Variants in ECPAS observed in about 807,000 individuals in gnomAD.
ECPAS encodes Ecm29 proteasome adaptor and scaffold.
Under a neutral mutation model 255.1 loss-of-function variants are expected in ECPAS, and 70 were observed. That is an observed-to-expected ratio of 0.27 (90% confidence interval 0.23 to 0.33). ECPAS has a LOEUF of 0.33. Ranked by LOEUF, ECPAS falls within the 10% of genes least tolerant of loss-of-function variation. The pLI is 1.00. For missense variants in ECPAS, 1,817 were observed against 2,206.4 expected (o/e 0.82, Z 3.54); for synonymous variants, 784 against 775.0 (o/e 1.01, Z -0.19).
At chr9:111,428,189 CA>C in intron 9 of ECPAS, 28 bp from the exon 10 acceptor site, 1 of 1,587,194 alleles carries the variant, frequency 6.3e-7, no homozygotes, top group Non-Finnish European at 8.6e-7. Flanking sequence ...GATTATAACT[CA>C]GCAATTCAAA....
At chr9:111,425,013 T>C (rs1451337953) in intron 12 of ECPAS, among the ~76,000 whole-genome samples, 2 of 151,776 alleles carry the variant, frequency 1.3e-5, no homozygotes, top group Non-Finnish European at 2.9e-5. Flanking sequence ...GGCCAACCCA[T>C]CTCTACTAAA....
intron 7 of ECPAS, among the ~76,000 whole-genome samples, chr9:111,435,222 A>G (rs532386656): frequency 2.0e-5 from 3 of 152,230 alleles, no homozygotes; most frequent in African/African-American, 7.2e-5. Context: ...TTTCTCTACT[A>G]TTCTTAACTA....
At chr9:111,371,501 G>T in intron 43 of ECPAS, 120 bp downstream of exon 43, 1 of 959,356 alleles carries the variant, frequency 1.0e-6, no homozygotes. Context: ...CCACTGTCTA[G>T]GAAATCTAGT....
intron 30 of ECPAS, 119 bp from the exon 31 acceptor site, chr9:111,389,842 C>G: frequency 8.2e-7 from 1 of 1,216,646 alleles, no homozygotes; most frequent in African/African-American, 1.5e-5. Flanking sequence ...TCTTTCCAAT[C>G]AACAGCATTT....
At chr9:111,425,683 G>T in intron 11 of ECPAS, 60 bp downstream of exon 11, 1 of 1,084,934 alleles carries the variant, frequency 9.2e-7, no homozygotes, top group East Asian at 2.4e-5. Flanking sequence ...CGATACACTT[G>T]AAGCACTCAA....
intron 1 of ECPAS, among the ~76,000 whole-genome samples, chr9:111,480,039 CAA>C (rs1256773678): frequency 6.7e-6 from 1 of 149,282 alleles, no homozygotes; most frequent in Non-Finnish European, 1.5e-5. Flanking sequence ...GGACAAATGA[CAA>C]AGTTTGCTAT....
chr9:111,415,671 C>G (rs1374489204), intron 18 of ECPAS, among the ~76,000 whole-genome samples: 2 of 151,302 alleles, frequency 1.3e-5, no homozygotes, highest in Admixed American at 6.6e-5. Flanking sequence ...TCACTGTACT[C>G]CAGCACGGGC....
At chr9:111,440,059 C>T (rs2098243713) in intron 6 of ECPAS, among the ~76,000 whole-genome samples, 2 of 151,368 alleles carry the variant, frequency 1.3e-5, no homozygotes, top group Non-Finnish European at 2.9e-5. Flanking sequence ...GAGAGAGTCT[C>T]GCTCTGTTAC....
chr9:111,388,900 A>T (rs145508619), intron 31 of ECPAS, among the ~76,000 whole-genome samples: 84 of 152,318 alleles, frequency 5.5e-4, no homozygotes, highest in African/African-American at 1.8e-3. Flanking sequence ...TGTTCTGGGC[A>T]TGTTGGGTTT....
intron 28 of ECPAS, 111 bp downstream of exon 28, chr9:111,392,657 G>A (rs943542799): frequency 7.5e-6 from 5 of 667,678 alleles, no homozygotes; most frequent in Non-Finnish European, 1.3e-5. Flanking sequence ...CTTAGAAAAG[G>A]CTTCATAAAC....
chr9:111,413,362 A>G (rs1471226228), intron 20 of ECPAS, among the ~76,000 whole-genome samples: 4 of 152,210 alleles, frequency 2.6e-5, no homozygotes, highest in African/African-American at 9.6e-5. Context: ...ATAGTTCTCT[A>G]CTATTAAGTG....
chr9:111,396,852 A>G (rs1311611264), intron 25 of ECPAS, among the ~76,000 whole-genome samples, 178 bp downstream of exon 25: 1 of 152,184 alleles, frequency 6.6e-6, no homozygotes, highest in African/African-American at 2.4e-5. Context: ...CACTGTGCCC[A>G]GCCTCATGCT....
chr9:111,404,024 A>G (rs2098180212), intron 24 of ECPAS, among the ~76,000 whole-genome samples: 1 of 149,898 alleles, frequency 6.7e-6, no homozygotes, highest in African/African-American at 2.5e-5. Context: ...GGATCTATGA[A>G]AAAATTAAGA....
intron 23 of ECPAS, among the ~76,000 whole-genome samples, chr9:111,408,885 C>T (rs2098189393): frequency 1.3e-5 from 2 of 152,172 alleles, no homozygotes; most frequent in Admixed American, 6.5e-5. Context: ...TCCACAGCTG[C>T]AAAAGAAGAA....
rs1399439935 is a variant in ECPAS at position 111,484,127 on chromosome 9, C to A, written c.-94G>T. The A allele has an allele frequency of 1.9e-5, 27 of 1,454,952 alleles. No individual in the cohort carries two copies. Among genetic ancestry groups the A allele is most frequent in the Non-Finnish European group, 2.4e-5 (27 of 1,106,122 alleles). The allele number at this position is 1,454,952 out of a possible 1,614,324, so 90.1% of individuals were successfully genotyped here. ...GGCGGGCCTCTGACCTGAGTCGGAG[C>A]CGGTCTCCATGCCGCGGACGCTGCG... On this transcript the variant is annotated 5_prime_UTR_variant, in exon 1 of 50. Transcript: ENST00000684092.
At chr9:111,416,714 T>C (rs149963932) in intron 17 of ECPAS, among the ~76,000 whole-genome samples, 47 of 152,308 alleles carry the variant, frequency 3.1e-4, no homozygotes, top group African/African-American at 1.1e-3. Flanking sequence ...TGTGCTGCTA[T>C]GTGGAAAACA....
At position 111,414,475 on chromosome 9, in the gene ECPAS, G is replaced by A. The variant is rs372445811; in HGVS notation, c.1941C>T (p.Val647=). 3 of 1,613,996 alleles carry A rather than the reference G, an allele frequency of 1.9e-6. No homozygotes were observed. The highest frequency in any genetic ancestry group is 4.5e-5 in the East Asian group (2 of 44,878). The change falls in exon 19 of 50, where the codon GTC becomes GTT. Residue 647 remains valine, a synonymous_variant. Transcript: ENST00000684092. The part of the protein sequence containing the change: ...SSNKSGETNP[V]QIYIGLLQQL... ...GCTGAAGCAGGCCAATGTAGATCTG[G>A]ACAGGGTTAGTCTCCCCACTCTTGT...
intron 5 of ECPAS, among the ~76,000 whole-genome samples, chr9:111,441,385 A>T (rs1167183144): frequency 6.6e-6 from 1 of 151,374 alleles, no homozygotes; most frequent in Non-Finnish European, 1.5e-5. Context: ...GGCATCTGTA[A>T]TCTCAGCTAC....
rs528000941 is a variant in ECPAS, at chr9:111,451,596, A to C, written c.23-41T>G. ...AAAAAAAGAGAGAACTTAGCAAGCCAAACACAACCAAGACCAATTATTTTT... is the reference window on the plus strand; with the variant it reads ...AAAAAAAGAGAGAACTTAGCAAGCCCAACACAACCAAGACCAATTATTTTT... On this transcript the variant is annotated intron_variant, in intron 2 of 49. Coordinates refer to ENST00000684092, the MANE Select transcript of ECPAS (RefSeq NM_001364929.1). 3.3e-6 allele frequency: 5 copies of C among 1,503,002 alleles called. 1 individual carries two copies. In the African/African-American group the frequency reaches 7.1e-5, roughly 21 times the overall value. 93.1% of individuals were successfully genotyped at this position (1,503,002 alleles called of 1,614,324 possible). A position where few individuals can be genotyped will look rare whatever the true frequency, so the allele number is the denominator to read the frequency against.
Sources: allele counts gnomAD v4.1 joint callset (sites outside exome capture counted in the v4.1 genomes callset), GRCh38; gene constraint gnomAD v4.1.1; transcripts MANE v1.5; gene names NCBI Gene and HGNC (gene_info 2026-07-23, HGNC 2026-07-21).